The following SLC4A4 variants were observed in gnomAD, a reference collection of about 807,000 sequenced individuals.
SLC4A4 encodes electrogenic sodium bicarbonate cotransporter 1.
In SLC4A4, 27 loss-of-function variants were observed where a neutral mutation model predicts 111.5. The ratio of observed to expected loss-of-function variants is 0.24; its 90% CI spans 0.18 to 0.33. The LOEUF is 0.33. Among genes scored for constraint, SLC4A4 ranks in the 10% least tolerant of loss-of-function variants. The pLI, the probability that SLC4A4 is intolerant of heterozygous loss-of-function variation, is 1.00. For synonymous variants in SLC4A4, 443 were observed against 463.4 expected (o/e 0.96, Z 0.57); for missense variants, 909 against 1,315.5 (o/e 0.69, Z 4.78).
intron 1 of SLC4A4, among the ~76,000 whole-genome samples, chr4:71,086,412 A>G (rs1000065886): frequency 6.6e-6 from 1 of 151,898 alleles, no homozygotes. Context: ...CTCCTGCCTG[A>G]TTGCCCTGGC....
At chr4:71,268,343 C>A (rs1352899834) in intron 3 of SLC4A4, among the ~76,000 whole-genome samples, 4 of 152,052 alleles carry the variant, frequency 2.6e-5, no homozygotes, top group African/African-American at 9.7e-5. Context: ...CTGTGACTCA[C>A]GTGATGTAAG....
chr4:71,230,976 C>T (rs1032069021), intron 1 of SLC4A4, among the ~76,000 whole-genome samples: 1 of 152,180 alleles, frequency 6.6e-6, no homozygotes, highest in Non-Finnish European at 1.5e-5. Context: ...CTACTGCATC[C>T]TTTGGCAAAA....
chr4:71,317,679 G>A (rs1385787762), intron 3 of SLC4A4, among the ~76,000 whole-genome samples: 1 of 152,024 alleles, frequency 6.6e-6, no homozygotes, highest in East Asian at 1.9e-4. Context: ...GGATTTAGAA[G>A]GGTGCCCTAT....
chr4:71,380,035 C>T (rs770638934), intron 6 of SLC4A4, among the ~76,000 whole-genome samples: 45 of 152,052 alleles, frequency 3.0e-4, no homozygotes, highest in Non-Finnish European at 5.7e-4. Context: ...GATGAGGTAA[C>T]GTAAACCTAG....
At chr4:71,065,885 A>G (rs572278675) in intron 1 of SLC4A4, among the ~76,000 whole-genome samples, 2 of 152,268 alleles carry the variant, frequency 1.3e-5, no homozygotes, top group African/African-American at 4.8e-5. Flanking sequence ...TTTTTAATAT[A>G]TCTAAAATTA....
At chr4:71,222,547 C>T (rs1718810183) in intron 1 of SLC4A4, among the ~76,000 whole-genome samples, 1 of 152,072 alleles carries the variant, frequency 6.6e-6, no homozygotes, top group Non-Finnish European at 1.5e-5. Flanking sequence ...AGAATAATGC[C>T]TAGTCATAGC....
intron 1 of SLC4A4, among the ~76,000 whole-genome samples, chr4:71,229,008 T>C (rs1433050510): frequency 6.6e-6 from 1 of 152,220 alleles, no homozygotes; most frequent in East Asian, 1.9e-4. Context: ...ACAGATAAGA[T>C]ACTGAATAGA....
At chr4:71,216,672 C>T (rs1221980904) in intron 1 of SLC4A4, among the ~76,000 whole-genome samples, 2 of 152,150 alleles carry the variant, frequency 1.3e-5, no homozygotes, top group African/African-American at 2.4e-5. Flanking sequence ...CTGGTTATCC[C>T]TCCTGCTCCA....
intron 14 of SLC4A4, among the ~76,000 whole-genome samples, chr4:71,480,899 T>C (rs4235095): frequency 0.68 from 102,860 of 151,200 alleles, 36,325 homozygotes; most frequent in Non-Finnish European, 0.8. Context: ...TTGATAACAT[T>C]GTATATTTAA....
rs569730954 is a variant in SLC4A4, at chr4:71,562,489, C to T, written c.3100-1304C>T. 7.9e-5 allele frequency among the ~76,000 whole-genome samples: 12 copies of T among 151,824 alleles called. No individual in the cohort carries two copies. The East Asian group carries it at 1.2e-3, about 15-fold the overall frequency. On this transcript the variant is annotated intron_variant, in intron 23 of 25. Coordinates refer to ENST00000264485, the MANE Select transcript of SLC4A4 (RefSeq NM_001098484.3). ...ATAGCTCTTCTTGTTACATTGATCC[C>T]TTTACCATTATGTAATGCCCTTCTT...
At chr4:71,223,563 AC>A (rs1718878773) in intron 1 of SLC4A4, among the ~76,000 whole-genome samples, 1 of 152,220 alleles carries the variant, frequency 6.6e-6, no homozygotes, top group South Asian at 2.1e-4. Context: ...CTGAGTTCAA[AC>A]AGTTCAAACT....
chr4:71,259,376 G>A (rs1052972908), intron 3 of SLC4A4, among the ~76,000 whole-genome samples: 39 of 152,250 alleles, frequency 2.6e-4, no homozygotes, highest in African/African-American at 8.4e-4. Context: ...TCTGAGCTCA[G>A]CAGCAGCTCC....
intron 2 of SLC4A4, among the ~76,000 whole-genome samples, chr4:71,093,246 C>A (rs1475295417): frequency 6.6e-6 from 1 of 151,700 alleles, no homozygotes; most frequent in Non-Finnish European, 1.5e-5. Flanking sequence ...TGGCTCACTG[C>A]AATCTCTACC....
intron 3 of SLC4A4, among the ~76,000 whole-genome samples, chr4:71,320,096 T>G (rs1392519929): frequency 6.6e-6 from 1 of 152,032 alleles, no homozygotes; most frequent in African/African-American, 2.4e-5. Flanking sequence ...TAGTATCTTA[T>G]GTGAATTCTC....
At chr4:71,136,914 G>A (rs1298167521) in intron 2 of SLC4A4, among the ~76,000 whole-genome samples, 1 of 152,162 alleles carries the variant, frequency 6.6e-6, no homozygotes, top group Non-Finnish European at 1.5e-5. Flanking sequence ...CCAGGGTAAT[G>A]TTAGATGAAG....
intron 1 of SLC4A4, among the ~76,000 whole-genome samples, chr4:71,203,407 T>C (rs1056835194): frequency 1.3e-5 from 2 of 152,154 alleles, no homozygotes; most frequent in African/African-American, 4.8e-5. Flanking sequence ...TTGGACAAAA[T>C]TATGTATTGT....
intron 2 of SLC4A4, among the ~76,000 whole-genome samples, chr4:71,144,375 T>C (rs1360874846): frequency 6.6e-6 from 1 of 152,242 alleles, no homozygotes; most frequent in Non-Finnish European, 1.5e-5. Context: ...TGAAGTCAGT[T>C]AGCGTGATGC....
intron 15 of SLC4A4, among the ~76,000 whole-genome samples, chr4:71,492,609 C>G (rs759743571): frequency 2.0e-5 from 3 of 151,980 alleles, no homozygotes; most frequent in Non-Finnish European, 2.9e-5. Context: ...GTCTTTAAAA[C>G]TGAATGAAGC....
chr4:71,273,242 C>T (rs1722821213), intron 3 of SLC4A4, among the ~76,000 whole-genome samples: 1 of 152,166 alleles, frequency 6.6e-6, no homozygotes, highest in Non-Finnish European at 1.5e-5. Context: ...TCTGTCTCTA[C>T]ATATATAGTG....
Sources: allele counts gnomAD v4.1 joint callset (sites outside exome capture counted in the v4.1 genomes callset), GRCh38; gene constraint gnomAD v4.1.1; transcripts MANE v1.5; gene names NCBI Gene and HGNC (gene_info 2026-07-23, HGNC 2026-07-21).